PSD3: variants seen among roughly 807,000 people sequenced by gnomAD.
The protein encoded by PSD3 is pleckstrin and Sec7 domain containing 3.
A neutral mutation model predicts 105.5 loss-of-function variants in PSD3; 49 were observed. The observed-to-expected ratio is 0.46, with a 90% confidence interval of 0.37 to 0.59. The LOEUF is 0.59. Among genes scored for constraint, PSD3 ranks in the 20% least tolerant of loss-of-function variants. The pLI, the probability that PSD3 is intolerant of heterozygous loss-of-function variation, is 0.00. For synonymous variants in PSD3, 557 were observed against 457.8 expected (o/e 1.22, Z -2.77); for missense variants, 1,561 against 1,263.8 (o/e 1.24, Z -3.57).
chr8:18,585,018 G>A (rs983568614), intron 12 of PSD3, among the ~76,000 whole-genome samples: 1 of 152,164 alleles, frequency 6.6e-6, no homozygotes, highest in Admixed American at 6.5e-5. Flanking sequence ...CTATGGGAAT[G>A]AGGAATGGGG....
chr8:18,653,553 C>A (rs1344257553), intron 10 of PSD3, among the ~76,000 whole-genome samples: 3 of 152,032 alleles, frequency 2.0e-5, no homozygotes, highest in Non-Finnish European at 4.4e-5. Flanking sequence ...GTCAGTGAAC[C>A]AGCTACTACA....
At chr8:18,807,449 C>G (rs539291985) in intron 4 of PSD3, among the ~76,000 whole-genome samples, 3 of 152,318 alleles carry the variant, frequency 2.0e-5, no homozygotes, top group East Asian at 3.9e-4. Flanking sequence ...GTTTTTTAGA[C>G]TCAACTGTGT....
At chr8:18,892,415 G>T (rs1410490392) in intron 2 of PSD3, among the ~76,000 whole-genome samples, 3 of 151,682 alleles carry the variant, frequency 2.0e-5, no homozygotes, top group East Asian at 1.9e-4. Flanking sequence ...AGTAAAGACG[G>T]AGTTTCACCA....
chr8:18,787,705 G>A (rs1212361589), intron 8 of PSD3, among the ~76,000 whole-genome samples: 3 of 152,080 alleles, frequency 2.0e-5, no homozygotes, highest in Non-Finnish European at 4.4e-5. Context: ...GCTTTCTTAT[G>A]ATAAAAAGAT....
rs202230990 is a variant in PSD3 at position 18,647,653 on chromosome 8, A to ATT, written c.2216+7987_2216+7988dup. On this transcript the variant is annotated intron_variant, in intron 10 of 15. Coordinates refer to ENST00000327040, the MANE Select transcript of PSD3 (RefSeq NM_015310.4). ...CTTTATTAAAATGAGCCAATACATG[A>ATT]TTTTTTTTTTTTTTTAAACTAGGAT... 1.1e-3 allele frequency among the ~76,000 whole-genome samples: 143 copies of ATT among 124,500 alleles called. 1 individual carries two copies. In the South Asian group the frequency reaches 0.024, roughly 21 times the overall value. The allele number at this position is 124,500 out of a possible 152,430, so 81.7% of individuals were successfully genotyped here. A position where few individuals can be genotyped will look rare whatever the true frequency, so the allele number is the denominator to read the frequency against.
intron 10 of PSD3, among the ~76,000 whole-genome samples, chr8:18,637,324 T>C (rs1489750179): frequency 1.3e-5 from 2 of 152,252 alleles, no homozygotes; most frequent in Admixed American, 1.3e-4. Context: ...CCTGACTGAT[T>C]TTCTTAAAAA....
At chr8:18,879,422 T>C (rs768979803) in intron 2 of PSD3, among the ~76,000 whole-genome samples, 4 of 152,120 alleles carry the variant, frequency 2.6e-5, no homozygotes, top group Non-Finnish European at 4.4e-5. Flanking sequence ...GGGAGACAAA[T>C]GTTCTGAGAG....
intron 1 of PSD3, among the ~76,000 whole-genome samples, chr8:19,058,816 G>A (rs1411858515): frequency 6.6e-6 from 1 of 152,164 alleles, no homozygotes; most frequent in Non-Finnish European, 1.5e-5. Flanking sequence ...CCATCACGTG[G>A]AGCACCTTGG....
At chr8:18,880,396 G>A (rs1818032398) in intron 2 of PSD3, among the ~76,000 whole-genome samples, 1 of 152,128 alleles carries the variant, frequency 6.6e-6, no homozygotes, top group South Asian at 2.1e-4. Flanking sequence ...AGTCTGTTTG[G>A]CATGTTAGAA....
At chr8:18,801,042 A>G (rs1337050265) in intron 7 of PSD3, 2 of 344,568 alleles carry the variant, frequency 5.8e-6, no homozygotes, top group South Asian at 6.4e-5. Flanking sequence ...AGAATATTTA[A>G]TGACATGAGA....
chr8:18,570,843 C>CTATTATTATTAT (rs57603961), intron 14 of PSD3, among the ~76,000 whole-genome samples: 14,987 of 117,124 alleles, frequency 0.13, 925 homozygotes, highest in East Asian at 0.23. Flanking sequence ...CTGCTTAAAA[C>CTATTATTATTAT]TATTATTATT....
At chr8:18,790,772 G>A (rs1809646394) in intron 8 of PSD3, among the ~76,000 whole-genome samples, 1 of 152,094 alleles carries the variant, frequency 6.6e-6, no homozygotes, top group African/African-American at 2.4e-5. Flanking sequence ...GGACCACCGA[G>A]AAGCTGCAGG....
chr8:18,821,313 T>C (rs1758129865), intron 4 of PSD3, among the ~76,000 whole-genome samples: 1 of 152,138 alleles, frequency 6.6e-6, no homozygotes, highest in Non-Finnish European at 1.5e-5. Flanking sequence ...GAGAATGATA[T>C]TTTGTAAGCA....
At chr8:18,779,224 C>A (rs1808377833) in intron 8 of PSD3, among the ~76,000 whole-genome samples, 2 of 152,054 alleles carry the variant, frequency 1.3e-5, no homozygotes, top group African/African-American at 4.8e-5. Flanking sequence ...CCCGTAGGTT[C>A]CAATTTGTTC....
Position 18,867,702 on chromosome 8 carries a change from C to T in PSD3, c.1606G>A (p.Gly536Ser), listed in dbSNP as rs781083219. 6.2e-7 allele frequency: 1 copy of T among 1,613,394 alleles called. No homozygotes were observed. The highest frequency in any genetic ancestry group is 1.7e-4 in the Middle Eastern group (1 of 6,054). The change falls in exon 4 of 16, where the codon GGC (glycine) becomes AGC (serine). Residue 536 changes from glycine to serine, a missense_variant. Physicochemically the swap from Gly to Ser is moderately conservative, Grantham distance 56. Transcript: ENST00000327040. ...NDASDSIYTK[G>S]TPEIAFWGSN... ...CCCCAGAAAGCAATCTCCGGGGTGCCTTTCGTGTAGATGGAGTCGCTGGCA... is the reference window on the plus strand; with the variant it reads ...CCCCAGAAAGCAATCTCCGGGGTGCTTTTCGTGTAGATGGAGTCGCTGGCA...
chr8:18,594,219 T>TATA (rs1803863081), intron 12 of PSD3, among the ~76,000 whole-genome samples: 1 of 6,704 alleles, frequency 1.5e-4, no homozygotes, highest in African/African-American at 3.3e-4. Context: ...TATATTATTA[T>TATA]ATATATTATA....
rs765817079 is a variant in PSD3 at position 18,804,540 on chromosome 8, G to A, written c.1892C>T (p.Thr631Met). 2.8e-5 allele frequency: 45 copies of A among 1,612,134 alleles called. No individual in the cohort carries two copies. Among genetic ancestry groups the A allele is most frequent in the South Asian group, 1.8e-4 (16 of 91,028 alleles). Residue 631 changes from threonine to methionine, a missense_variant, in exon 6 of 16, where the codon ACG (threonine) becomes ATG (methionine). Coordinates refer to ENST00000327040, the MANE Select transcript of PSD3 (RefSeq NM_015310.4). Reference sequence around the variant, plus strand: ...GTCATACCTGAGTGACTGATCCAGCGTCATTCCTGTAAAATCAAAAAACTT... The same window carrying A: ...GTCATACCTGAGTGACTGATCCAGCATCATTCCTGTAAAATCAAAAAACTT... ...YLKFFDFTGMTLDQSLRYFFK... is the reference protein window; with the variant it reads ...YLKFFDFTGMMLDQSLRYFFK...
chr8:19,011,089 A>G (rs1311180026), intron 1 of PSD3, among the ~76,000 whole-genome samples: 1 of 152,092 alleles, frequency 6.6e-6, no homozygotes, highest in Non-Finnish European at 1.5e-5. Flanking sequence ...AAAATTGGAA[A>G]CGATCACTAT....
intron 1 of PSD3, among the ~76,000 whole-genome samples, chr8:19,039,134 T>C (rs1828041038): frequency 6.6e-5 from 10 of 152,180 alleles, no homozygotes; most frequent in Admixed American, 4.6e-4. Context: ...CGGACCTTTT[T>C]TCCCTTGGCT....
Sources: allele counts gnomAD v4.1 joint callset (sites outside exome capture counted in the v4.1 genomes callset), GRCh38; gene constraint gnomAD v4.1.1; transcripts MANE v1.5; gene names NCBI Gene and HGNC (gene_info 2026-07-23, HGNC 2026-07-21).